The following PDE1A variants were observed in gnomAD, a reference collection of about 807,000 sequenced individuals.
The protein encoded by PDE1A is phosphodiesterase 1A.
In PDE1A, 35 loss-of-function variants were observed where a neutral mutation model predicts 61.7. That is an observed-to-expected ratio of 0.57 (90% CI 0.43 to 0.75). PDE1A has a LOEUF of 0.75. Ranked by LOEUF, PDE1A falls within the 30% of genes least tolerant of loss-of-function variation. PDE1A has a pLI of 0.00. For synonymous variants in PDE1A, 232 were observed against 213.2 expected (o/e 1.09, Z -0.77); for missense variants, 597 against 630.6 (o/e 0.95, Z 0.57).
chr2:182,465,394 G>A (rs1686589364), intron 2 of PDE1A, among the ~76,000 whole-genome samples: 1 of 151,370 alleles, frequency 6.6e-6, no homozygotes, highest in South Asian at 2.1e-4. Flanking sequence ...GTTCAGAGCA[G>A]TGTCTCAAAA....
At chr2:182,401,695 G>T (rs1702006563) in intron 1 of PDE1A, among the ~76,000 whole-genome samples, 1 of 152,174 alleles carries the variant, frequency 6.6e-6, no homozygotes, top group Non-Finnish European at 1.5e-5. Flanking sequence ...GCAAAAGAAA[G>T]AAATAAAGGG....
At chr2:182,455,982 A>C (rs1390246568) in intron 2 of PDE1A, among the ~76,000 whole-genome samples, 1 of 152,050 alleles carries the variant, frequency 6.6e-6, no homozygotes, top group African/African-American at 2.4e-5. Flanking sequence ...TGTTCAAAGT[A>C]AATTATATTT....
At chr2:182,568,288 T>C in the PDE1A span, among the ~76,000 whole-genome samples, 2 of 152,350 alleles carry the variant, frequency 1.3e-5, 1 homozygote, top group African/African-American at 4.8e-5. Flanking sequence ...TTCATTGAAC[T>C]CATATTTCTG....
chr2:182,655,460 A>T, the PDE1A span, among the ~76,000 whole-genome samples: 1 of 152,176 alleles, frequency 6.6e-6, no homozygotes, highest in Non-Finnish European at 1.5e-5. Context: ...GCTAATGGCC[A>T]CAAGATCTAT....
intron 1 of PDE1A, among the ~76,000 whole-genome samples, chr2:182,309,416 A>G (rs1483747056): frequency 6.6e-6 from 1 of 152,122 alleles, no homozygotes; most frequent in African/African-American, 2.4e-5. Flanking sequence ...AACTTAAGGC[A>G]TCTCCATTTC....
chr2:182,450,691 T>C (rs968402414), intron 2 of PDE1A, among the ~76,000 whole-genome samples: 11 of 152,108 alleles, frequency 7.2e-5, no homozygotes. Flanking sequence ...AGAGCCATGC[T>C]TTGGAAATTA....
intron 7 of PDE1A, among the ~76,000 whole-genome samples, chr2:182,208,743 A>G (rs1185731577): frequency 6.6e-6 from 1 of 152,208 alleles, no homozygotes; most frequent in Admixed American, 6.5e-5. Context: ...ACATGGAGTC[A>G]AAAAGATTAT....
chr2:182,250,826 G>A (rs150438366), intron 2 of PDE1A, among the ~76,000 whole-genome samples: 7 of 152,270 alleles, frequency 4.6e-5, no homozygotes, highest in Non-Finnish European at 8.8e-5. Flanking sequence ...GGAGTGCTTG[G>A]TGCCTCCTCC....
At chr2:182,234,371 C>T in intron 4 of PDE1A, 61 bp downstream of exon 4, 3 of 1,148,546 alleles carry the variant, frequency 2.6e-6, no homozygotes, top group East Asian at 2.4e-5. Flanking sequence ...TTCTCATAGC[C>T]TTTTTAAGAG....
chr2:182,165,175 A>G (rs1691591174), downstream of PDE1A, among the ~76,000 whole-genome samples: 1 of 152,156 alleles, frequency 6.6e-6, no homozygotes, highest in South Asian at 2.1e-4. Context: ...CCAGGAATCA[A>G]TAGGTAGAAA....
chr2:182,400,285 C>T (rs1165959150), intron 1 of PDE1A, among the ~76,000 whole-genome samples: 3 of 152,160 alleles, frequency 2.0e-5, no homozygotes, highest in East Asian at 3.9e-4. Flanking sequence ...TTTATCTTTT[C>T]CCAATTGTTG....
chr2:182,686,202 T>C, the PDE1A span, among the ~76,000 whole-genome samples: 1 of 152,128 alleles, frequency 6.6e-6, no homozygotes, highest in Non-Finnish European at 1.5e-5. Flanking sequence ...ATAACAAAAA[T>C]GAAAAAAATC....
At chr2:182,393,294 G>A (rs369580356) in intron 1 of PDE1A, among the ~76,000 whole-genome samples, 6 of 152,298 alleles carry the variant, frequency 3.9e-5, no homozygotes, top group Admixed American at 2.0e-4. Flanking sequence ...TGAGCTGTAC[G>A]TTGGCCCCTT....
At chr2:182,570,456 T>C in the PDE1A span, among the ~76,000 whole-genome samples, 2 of 152,138 alleles carry the variant, frequency 1.3e-5, no homozygotes, top group African/African-American at 4.8e-5. Context: ...ATCCCTTTCT[T>C]ATCACTAAAT....
At chr2:182,376,214 TTGCATTGTTAGGCTGC>T (rs1245158195) in intron 1 of PDE1A, among the ~76,000 whole-genome samples, 1 of 152,258 alleles carries the variant, frequency 6.6e-6, no homozygotes. Context: ...TTCCTTCCTA[TTGCATTGTTAGGCTGC>T]AAATTTTCTG....
At chr2:182,222,879 G>C (rs1156803857) in intron 7 of PDE1A, among the ~76,000 whole-genome samples, 2 of 151,998 alleles carry the variant, frequency 1.3e-5, no homozygotes, top group Non-Finnish European at 2.9e-5. Flanking sequence ...CACATGTAAA[G>C]TAAGTTGGAT....
At chr2:182,275,499 A>G (rs1693342266) in intron 1 of PDE1A, among the ~76,000 whole-genome samples, 1 of 152,130 alleles carries the variant, frequency 6.6e-6, no homozygotes, top group African/African-American at 2.4e-5. Flanking sequence ...AAGGTGTCAG[A>G]AAGTTTTTCT....
intron 2 of PDE1A, among the ~76,000 whole-genome samples, chr2:182,258,229 T>C (rs1691971806): frequency 6.6e-6 from 1 of 152,006 alleles, no homozygotes; most frequent in African/African-American, 2.4e-5. Flanking sequence ...ACTAATGCCT[T>C]ATTGCAATTA....
intron 1 of PDE1A, among the ~76,000 whole-genome samples, chr2:182,416,305 G>C (rs1702914717): frequency 2.0e-5 from 3 of 152,158 alleles, no homozygotes; most frequent in Non-Finnish European, 4.4e-5. Flanking sequence ...GATGAAGCAA[G>C]GGAAAAGACA....
Sources: allele counts gnomAD v4.1 joint callset (sites outside exome capture counted in the v4.1 genomes callset), GRCh38; gene constraint gnomAD v4.1.1; transcripts MANE v1.5; gene names NCBI Gene and HGNC (gene_info 2026-07-23, HGNC 2026-07-21).